The following GRIK4 variants were observed in gnomAD, a reference collection of about 807,000 sequenced individuals.
GRIK4 encodes glutamate ionotropic receptor kainate type subunit 4.
In GRIK4, 40 loss-of-function variants were observed where a neutral mutation model predicts 104.9. The ratio of observed to expected loss-of-function variants is 0.38; its 90% CI spans 0.30 to 0.50. The LOEUF is 0.50. Among genes scored for constraint, GRIK4 ranks in the 20% least tolerant of loss-of-function variants. The pLI is 0.93. For missense variants in GRIK4, 1,047 were observed against 1,308.1 expected (o/e 0.80, Z 3.08); for synonymous variants, 485 against 524.9 (o/e 0.92, Z 1.04).
intron 8 of GRIK4, among the ~76,000 whole-genome samples, chr11:120,860,173 CAG>C (rs1242745600): frequency 1.3e-5 from 2 of 152,190 alleles, no homozygotes; most frequent in African/African-American, 4.8e-5. Flanking sequence ...TGTGTACCCC[CAG>C]GGTGTGGATC....
chr11:120,777,249 T>C (rs915323057), intron 3 of GRIK4, among the ~76,000 whole-genome samples: 1 of 152,200 alleles, frequency 6.6e-6, no homozygotes, highest in Admixed American at 6.5e-5. Flanking sequence ...TTTTCTCCAG[T>C]CACCCCCATT....
In GRIK4 at chr11:120,987,743, G is replaced by A. The variant is rs1944781127; in HGVS notation, c.*1483G>A. 6.6e-6 allele frequency: 1 copy of A among 152,278 alleles called. No individual in the cohort carries two copies. The highest frequency in any genetic ancestry group is 2.1e-4 in the South Asian group (1 of 4,836). 9.4% of individuals were successfully genotyped at this position (152,278 alleles called of 1,614,324 possible). On this transcript the variant is annotated 3_prime_UTR_variant, in exon 21 of 21. Coordinates refer to ENST00000527524, the MANE Select transcript of GRIK4 (RefSeq NM_014619.5). ...GCTCTCCATGTGAGAAGTTTGCAGA[G>A]TCCAGAGCACACATCTGATGGGAGG...
chr11:120,695,169 TG>T lies in GRIK4; in HGVS notation c.82+34775del, dbSNP rs990259788. On this transcript the variant is annotated intron_variant, in intron 3 of 20. Coordinates refer to ENST00000527524, the MANE Select transcript of GRIK4 (RefSeq NM_014619.5). ...CAGGGAGCCTTGGGACCCAGGAGCA[TG>T]GGGGGTGTTCATTCTCACGAGCTGG... is the stretch of plus-strand genomic sequence containing the variant. Among the ~76,000 whole-genome samples the T allele has an allele frequency of 3.8e-4, 58 of 152,234 alleles. 1 individual carries two copies. Among genetic ancestry groups the T allele is most frequent in the African/African-American group, 1.3e-3 (54 of 41,546 alleles).
chr11:120,717,349 G>A (rs1950852664), intron 3 of GRIK4, among the ~76,000 whole-genome samples: 1 of 152,166 alleles, frequency 6.6e-6, no homozygotes, highest in African/African-American at 2.4e-5. Context: ...GTATCACGAG[G>A]TGAGATGTTA....
intron 3 of GRIK4, among the ~76,000 whole-genome samples, chr11:120,697,445 G>A (rs950851509): frequency 4.6e-5 from 7 of 152,132 alleles, no homozygotes; most frequent in South Asian, 2.1e-4. Flanking sequence ...GTGAAACCCC[G>A]TCTCTACTCA....
intron 13 of GRIK4, among the ~76,000 whole-genome samples, chr11:120,933,992 C>T (rs1050537442): frequency 2.0e-5 from 3 of 152,064 alleles, no homozygotes; most frequent in African/African-American, 7.2e-5. Context: ...ATCACGAGGT[C>T]AGGAGATCGA....
intron 11 of GRIK4, among the ~76,000 whole-genome samples, chr11:120,875,838 C>T (rs577547068): frequency 6.6e-6 from 1 of 152,246 alleles, no homozygotes; most frequent in South Asian, 2.1e-4. Context: ...CTGAGATCTT[C>T]CTCCATCAGA....
At chr11:120,665,420 G>A (rs182230959) in intron 3 of GRIK4, among the ~76,000 whole-genome samples, 1 of 152,252 alleles carries the variant, frequency 6.6e-6, no homozygotes, top group Non-Finnish European at 1.5e-5. Context: ...TCCTTCATCT[G>A]TCACCTAGGG....
At chr11:120,957,367 C>G (rs1011656583) in intron 16 of GRIK4, among the ~76,000 whole-genome samples, 17 of 152,240 alleles carry the variant, frequency 1.1e-4, no homozygotes, top group African/African-American at 4.1e-4. Context: ...TACATCACAT[C>G]CCCTCTACCA....
chr11:120,578,586 G>C (rs1016455291), intron 1 of GRIK4, among the ~76,000 whole-genome samples: 1 of 152,196 alleles, frequency 6.6e-6, no homozygotes, highest in Non-Finnish European at 1.5e-5. Flanking sequence ...TTCCATAGAG[G>C]GGGATACACG....
At chr11:120,818,889 C>A (rs139289216) in intron 5 of GRIK4, among the ~76,000 whole-genome samples, 80 of 152,260 alleles carry the variant, frequency 5.3e-4, no homozygotes, top group African/African-American at 1.8e-3. Context: ...CTCTGGACAC[C>A]AGGGGTGAGA....
intron 1 of GRIK4, among the ~76,000 whole-genome samples, chr11:120,570,734 G>A (rs917587991): frequency 1.3e-5 from 2 of 152,222 alleles, no homozygotes; most frequent in Non-Finnish European, 1.5e-5. Flanking sequence ...AGGATTACAG[G>A]TGTGAATAAT....
At chr11:120,949,015 CACTACCTGTCCTG>C (rs1362421473) in intron 14 of GRIK4, among the ~76,000 whole-genome samples, 1 of 152,204 alleles carries the variant, frequency 6.6e-6, no homozygotes, top group Non-Finnish European at 1.5e-5. Flanking sequence ...GGGTTTTATT[CACTACCTGTCCTG>C]ACTGCCTGGC....
chr11:120,737,860 TATA>T (rs1414407867), intron 3 of GRIK4, among the ~76,000 whole-genome samples: 2 of 152,206 alleles, frequency 1.3e-5, no homozygotes, highest in Non-Finnish European at 2.9e-5. Context: ...GTGTTCACCT[TATA>T]ATGATTCAGT....
chr11:120,987,916 C>A lies in GRIK4; in HGVS notation c.*1656C>A. 6.5e-6 allele frequency: 1 copy of A among 153,074 alleles called. No individual in the cohort carries two copies. The allele number at this position is 153,074 out of a possible 1,614,324, so 9.5% of individuals were successfully genotyped here. A position where few individuals can be genotyped will look rare whatever the true frequency, so the allele number is the denominator to read the frequency against. ...TTCAGAGAGAAACAAACAGCCGCTA[C>A]CAACCACCTCCACCTCCACCACCGC... On this transcript the variant is annotated 3_prime_UTR_variant, in exon 21 of 21. Coordinates refer to ENST00000527524, the MANE Select transcript of GRIK4 (RefSeq NM_014619.5).
chr11:120,675,143 T>C (rs1950078731), intron 3 of GRIK4, among the ~76,000 whole-genome samples: 1 of 152,260 alleles, frequency 6.6e-6, no homozygotes, highest in African/African-American at 2.4e-5. Flanking sequence ...AGTGAAATCA[T>C]CTGTGGATTG....
At chr11:120,600,438 G>A (rs1030203194) in intron 1 of GRIK4, among the ~76,000 whole-genome samples, 2 of 152,226 alleles carry the variant, frequency 1.3e-5, no homozygotes, top group African/African-American at 4.8e-5. Flanking sequence ...CAGAGGCAGT[G>A]CCTGAGGCTA....
intron 3 of GRIK4, among the ~76,000 whole-genome samples, chr11:120,774,597 C>T (rs1375385166): frequency 2.6e-5 from 4 of 152,184 alleles, no homozygotes; most frequent in Admixed American, 2.6e-4. Context: ...ATCTGCTTCA[C>T]CCAAAGTCTA....
chr11:120,916,312 T>C lies in GRIK4; in HGVS notation c.1476+10819T>C, dbSNP rs549151966. 3.3e-3 allele frequency among the ~76,000 whole-genome samples: 499 copies of C among 152,312 alleles called. 1 individual carries two copies. The highest frequency in any genetic ancestry group is 5.2e-3 in the Non-Finnish European group (353 of 68,024). ...AAAGGCAGACAGATGCGAGCAGAAG[T>C]TATTTTAATGAGGTCATACAGGATA... is the stretch of plus-strand genomic sequence containing the variant. On this transcript the variant is annotated intron_variant, in intron 13 of 20. Transcript: ENST00000527524.
Sources: gnomAD v4.1 joint callset for allele counts (sites outside exome capture counted in the v4.1 genomes callset) on GRCh38, gnomAD v4.1.1 for gene constraint, MANE v1.5 for transcripts, NCBI Gene and HGNC (gene_info 2026-07-23, HGNC 2026-07-21) for gene names.